Variants in SRD5A3 observed in about 807,000 individuals in gnomAD.
SRD5A3 encodes the protein polyprenal reductase.
In SRD5A3, 24 loss-of-function variants were observed where a neutral mutation model predicts 34.3. The ratio of observed to expected loss-of-function variants is 0.70; its 90% confidence interval spans 0.51 to 0.99. The LOEUF (loss-of-function observed/expected upper bound fraction) is 0.99. Among genes scored for constraint, SRD5A3 ranks in the 50% least tolerant of loss-of-function variants. The probability of loss-of-function intolerance (pLI) is 0.00; values close to 1 mark genes in which losing one functional copy is unlikely to be tolerated. For missense variants in SRD5A3, 350 were observed against 388.2 expected, an observed-to-expected ratio of 0.90 and a Z score of 0.83; for synonymous variants, 161 against 167.3, an observed-to-expected ratio of 0.96 and a Z score of 0.29.
chr4:55,346,940 A>C (rs6554272), intron 1 of SRD5A3, among the ~76,000 whole-genome samples: 8,684 of 152,188 alleles, frequency 0.057, 841 homozygotes, highest in African/African-American at 0.2. Context: ...TTTTTCCCGT[A>C]CCCTGCACTC....
chr4:55,363,562 G>A (rs1350335859), intron 2 of SRD5A3, among the ~76,000 whole-genome samples: 1 of 152,194 alleles, frequency 6.6e-6, no homozygotes, highest in Non-Finnish European at 1.5e-5. Flanking sequence ...GGTCGTGAAA[G>A]ACAGGTGAGG....
At position 55,372,951 on chromosome 4, in the gene SRD5A3, C is replaced by T. The variant is rs1005834276; in HGVS notation, c.*2860C>T. On this transcript the variant is annotated 3_prime_UTR_variant, in exon 5 of 5. Transcript: ENST00000264228. ...GAATTCCTACAAAAAAAAAAAAAAC[C>T]GTTGCAGATATTTTTGTATGTAGCT... is the stretch of plus-strand genomic sequence containing the variant. 10 of 149,338 alleles carry T rather than the reference C, an allele frequency of 6.7e-5. No individual in the cohort carries two copies. Among genetic ancestry groups the T allele is most frequent in the Non-Finnish European group, 7.4e-5 (5 of 67,470 alleles). The allele number at this position is 149,338 out of a possible 1,614,324, so 9.3% of individuals were successfully genotyped here.
chr4:55,356,576 C>G (rs1168299776), intron 1 of SRD5A3, among the ~76,000 whole-genome samples: 2 of 152,152 alleles, frequency 1.3e-5, no homozygotes, highest in Non-Finnish European at 2.9e-5. Context: ...CAGCCTCAGC[C>G]TGAGCCTCCC....
At chr4:55,354,224 A>G (rs1383086494) in intron 1 of SRD5A3, among the ~76,000 whole-genome samples, 1 of 152,050 alleles carries the variant, frequency 6.6e-6, no homozygotes, top group Non-Finnish European at 1.5e-5. Context: ...CAGCCTCCCA[A>G]GGAGCTGGGA....
At chr4:55,355,840 A>G (rs1254244079) in intron 1 of SRD5A3, among the ~76,000 whole-genome samples, 1 of 152,082 alleles carries the variant, frequency 6.6e-6, no homozygotes, top group Non-Finnish European at 1.5e-5. Flanking sequence ...TAAGCTTCAT[A>G]AGATTGTTAT....
chr4:55,372,835 A>G lies in SRD5A3; in HGVS notation c.*2744A>G, dbSNP rs1720173402. ...CCTTTGTTTTTGTGAAGCTCATCCT[A>G]TACACTAACATTTGCTTAACCATGG... On this transcript the variant is annotated 3_prime_UTR_variant, in exon 5 of 5. Transcript: ENST00000264228. The G allele has an allele frequency of 1.3e-5, 2 of 151,978 alleles. No individual in the cohort carries two copies. Among genetic ancestry groups the G allele is most frequent in the Admixed American group, 6.6e-5 (1 of 15,232 alleles). The allele number at this position is 151,978 out of a possible 1,614,324, so 9.4% of individuals were successfully genotyped here.
At chr4:55,369,342 A>G (rs1720031991) in intron 4 of SRD5A3, among the ~76,000 whole-genome samples, 1 of 152,208 alleles carries the variant, frequency 6.6e-6, no homozygotes, top group Non-Finnish European at 1.5e-5. Context: ...ACAGTTGACA[A>G]TTTAACCTAA....
chr4:55,368,568 G>A (rs1486861537), intron 4 of SRD5A3, among the ~76,000 whole-genome samples: 5 of 149,844 alleles, frequency 3.3e-5, no homozygotes, highest in Non-Finnish European at 7.4e-5. Flanking sequence ...GGGACTACAG[G>A]TGCGCACCAC....
At chr4:55,366,952 C>T (rs960652998) in intron 3 of SRD5A3, 1 of 153,418 alleles carries the variant, frequency 6.5e-6, no homozygotes. Context: ...AACTCAGTCT[C>T]TCGACTGTTC....
intron 1 of SRD5A3, among the ~76,000 whole-genome samples, chr4:55,357,257 T>A (rs993072582): frequency 5.9e-5 from 9 of 152,232 alleles, no homozygotes; most frequent in African/African-American, 2.2e-4. Flanking sequence ...CTAGTCTGTT[T>A]ACTCCCTGCT....
chr4:55,356,432 A>G (rs7664100), intron 1 of SRD5A3, among the ~76,000 whole-genome samples: 65,125 of 152,080 alleles, frequency 0.43, 15,861 homozygotes, highest in East Asian at 0.84. Flanking sequence ...TCCAACTATC[A>G]CCACCACCTA....
chr4:55,370,148 G>C lies in SRD5A3; in HGVS notation c.*57G>C. 6.2e-7 allele frequency: 1 copy of C among 1,604,550 alleles called. No individual in the cohort carries two copies. The highest frequency in any genetic ancestry group is 8.5e-7 in the Non-Finnish European group (1 of 1,176,080). ...GTGATGGTTTCAATGCCTAAGGACA[G>C]TGAAGTCTGGAGCCCAAAGTACAGT... On this transcript the variant is annotated 3_prime_UTR_variant, in exon 5 of 5. Transcript: ENST00000264228.
chr4:55,359,519 G>C, intron 2 of SRD5A3, 31 bp downstream of exon 2: 2 of 1,613,314 alleles, frequency 1.2e-6, no homozygotes, highest in Non-Finnish European at 1.7e-6. Context: ...TGACAACGCT[G>C]CATCCCGTTT....
chr4:55,359,219 A>G, intron 1 of SRD5A3, 127 bp from the exon 2 acceptor site: 1 of 1,318,628 alleles, frequency 7.6e-7, no homozygotes, highest in African/African-American at 1.5e-5. Flanking sequence ...AGATTCTATT[A>G]AAAAGCAAAG....
intron 2 of SRD5A3, 120 bp downstream of exon 2, chr4:55,359,608 G>A: frequency 1.5e-6 from 2 of 1,370,982 alleles, no homozygotes; most frequent in Middle Eastern, 2.1e-4. Flanking sequence ...GGCCTGGGAA[G>A]TGGAGGATGA....
At chr4:55,357,719 G>A (rs988648082) in intron 1 of SRD5A3, among the ~76,000 whole-genome samples, 2 of 152,182 alleles carry the variant, frequency 1.3e-5, no homozygotes, top group African/African-American at 4.8e-5. Flanking sequence ...TTATTTATTT[G>A]TTAAGACACA....
chr4:55,349,368 T>C (rs1335663162), intron 1 of SRD5A3, among the ~76,000 whole-genome samples: 1 of 152,166 alleles, frequency 6.6e-6, no homozygotes, highest in Non-Finnish European at 1.5e-5. Flanking sequence ...GAAAATAAGT[T>C]CATAATTGCT....
In SRD5A3 at chr4:55,346,507, T is replaced by C. The variant is rs752026983; in HGVS notation, c.171T>C (p.Cys57=). Reference sequence around the variant, plus strand: ...TGATCCGCTATGGGAAAACCAAGTGTGGGGAGCCGTCGCGCCCCGCCGCCT... The same window carrying C: ...TGATCCGCTATGGGAAAACCAAGTGCGGGGAGCCGTCGCGCCCCGCCGCCT... ...QDLIRYGKTK[C]GEPSRPAACR... The change falls in exon 1 of 5, where the codon TGT becomes TGC. Residue 57 remains cysteine, a synonymous_variant. Transcript: ENST00000264228. 3.0e-5 allele frequency: 48 copies of C among 1,599,638 alleles called. 1 individual carries two copies. The South Asian group carries it at 5.4e-4, about 18-fold the overall frequency.
chr4:55,355,323 T>C (rs948384158), intron 1 of SRD5A3, among the ~76,000 whole-genome samples: 30 of 152,038 alleles, frequency 2.0e-4, no homozygotes, highest in Admixed American at 1.2e-3. Context: ...CTGGGCGTGG[T>C]GGCGGGCGCC....
Sources: allele counts gnomAD v4.1 joint callset (sites outside exome capture counted in the v4.1 genomes callset), GRCh38; gene constraint gnomAD v4.1.1; transcripts MANE v1.5; gene names NCBI Gene and HGNC (gene_info 2026-07-23, HGNC 2026-07-21).